Variants in CASR observed in about 807,000 individuals in gnomAD.
CASR encodes extracellular calcium-sensing receptor.
Under a neutral mutation model 69.1 loss-of-function variants are expected in CASR, and 23 were observed. The ratio of observed to expected loss-of-function variants is 0.33; its 90% CI spans 0.24 to 0.47. CASR has a LOEUF of 0.47. CASR is among the 20% of genes least tolerant of loss of function. CASR has a pLI of 1.00. For synonymous variants in CASR, 541 were observed against 544.7 expected (o/e 0.99, Z 0.10); for missense variants, 924 against 1,356.1 (o/e 0.68, Z 5.00).
Position 122,285,431 on chromosome 3 carries a change from C to T in CASR, c.*240C>T, listed in dbSNP as rs564579474. 5 of 499,508 alleles carry T rather than the reference C, an allele frequency of 1.0e-5. No individual in the cohort carries two copies. Among genetic ancestry groups the T allele is most frequent in the African/African-American group, 3.9e-5 (2 of 51,816 alleles). The allele number at this position is 499,508 out of a possible 1,614,324, so 30.9% of individuals were successfully genotyped here. On this transcript the variant is annotated 3_prime_UTR_variant, in exon 7 of 7. Coordinates refer to ENST00000639785, the MANE Select transcript of CASR (RefSeq NM_000388.4). ...ATTTGTCAAAGCATTGAGATCTCCA[C>T]GGTCAGATTTGCTGTTCACCCACAT...
intron 1 of CASR, among the ~76,000 whole-genome samples, chr3:122,242,069 T>C (rs2074383924): frequency 6.6e-6 from 1 of 152,094 alleles, no homozygotes; most frequent in Non-Finnish European, 1.5e-5. Flanking sequence ...CCACAGCTAG[T>C]ATCATACAGA....
At chr3:122,242,078 G>A (rs1160969099) in intron 1 of CASR, among the ~76,000 whole-genome samples, 1 of 152,032 alleles carries the variant, frequency 6.6e-6, no homozygotes, top group African/African-American at 2.4e-5. Flanking sequence ...GTATCATACA[G>A]ATTGTGAAAA....
intron 4 of CASR, among the ~76,000 whole-genome samples, chr3:122,270,588 G>T (rs539366755): frequency 1.3e-5 from 2 of 152,158 alleles, no homozygotes; most frequent in African/African-American, 2.4e-5. Flanking sequence ...TTTGGAAACT[G>T]AAGTCATTGA....
In CASR at chr3:122,282,171, A is replaced by C; in HGVS notation, c.1667A>C (p.Glu556Ala). 1 of 1,614,126 alleles carries C rather than the reference A, an allele frequency of 6.2e-7. No individual in the cohort carries two copies. Among genetic ancestry groups the C allele is most frequent in the Non-Finnish European group, 8.5e-7 (1 of 1,179,996 alleles). ...GCAGGGACCAGGAAAGGGATCATTG[A>C]GGGGGAGCCCACCTGCTGCTTTGAG... ...CLAGTRKGII[E>A]GEPTCCFECV... Residue 556 changes from glutamate (E) to alanine (A), a missense_variant, in exon 6 of 7, where the codon GAG becomes GCG. Around this residue, in one of 8 missense-constraint regions of CASR, gnomAD observed 310 missense variants for 395.7 expected, o/e 0.78. Transcript: ENST00000639785.
intron 1 of CASR, among the ~76,000 whole-genome samples, chr3:122,253,427 C>T (rs1219507769): frequency 6.6e-6 from 1 of 152,088 alleles, no homozygotes; most frequent in African/African-American, 2.4e-5. Flanking sequence ...TTTTTTAGTA[C>T]AGACAGGGTT....
At chr3:122,277,361 T>C (rs2074835445) in intron 5 of CASR, among the ~76,000 whole-genome samples, 1 of 152,144 alleles carries the variant, frequency 6.6e-6, no homozygotes, top group South Asian at 2.1e-4. Context: ...TGGACCACTT[T>C]TTATAACATA....
intron 1 of CASR, among the ~76,000 whole-genome samples, chr3:122,207,555 CTA>C (rs1187671460): frequency 2.0e-5 from 3 of 151,996 alleles, no homozygotes; most frequent in Admixed American, 6.6e-5. Flanking sequence ...AAATTAAACA[CTA>C]TGTTTCTGAA....
At chr3:122,281,673 T>A (rs1319416027) in intron 5 of CASR, among the ~76,000 whole-genome samples, 1 of 152,242 alleles carries the variant, frequency 6.6e-6, no homozygotes, top group African/African-American at 2.4e-5. Context: ...TGAATAATAC[T>A]TATAGATTTG....
Position 122,285,061 on chromosome 3 carries a change from T to C in CASR, c.3107T>C (p.Val1036Ala), listed in dbSNP as rs387907393. 6.2e-7 allele frequency: 1 copy of C among 1,614,222 alleles called. No homozygotes were observed. Among genetic ancestry groups the C allele is most frequent in the Non-Finnish European group, 8.5e-7 (1 of 1,180,036 alleles). Residue 1036 changes from valine to alanine, a missense_variant, in exon 7 of 7, where the codon GTG becomes GCG. Around this residue, in one of 8 missense-constraint regions of CASR, gnomAD observed 201 missense variants for 228.8 expected, o/e 0.88. Coordinates refer to ENST00000639785, the MANE Select transcript of CASR (RefSeq NM_000388.4). ...TVQETGLQGP[V>A]GGDQRPEVED... ...CAGGAAACAGGTCTGCAAGGACCTGTGGGTGGAGACCAGCGGCCAGAGGTG... is the reference window on the plus strand; with the variant it reads ...CAGGAAACAGGTCTGCAAGGACCTGCGGGTGGAGACCAGCGGCCAGAGGTG...
At chr3:122,278,645 T>C (rs1403788996) in intron 5 of CASR, among the ~76,000 whole-genome samples, 2 of 152,212 alleles carry the variant, frequency 1.3e-5, no homozygotes, top group African/African-American at 2.4e-5. Flanking sequence ...CCTGTGGTGA[T>C]AGGATTTCTC....
At chr3:122,244,036 C>T (rs1193921328) in intron 1 of CASR, among the ~76,000 whole-genome samples, 2 of 151,670 alleles carry the variant, frequency 1.3e-5, no homozygotes, top group African/African-American at 2.4e-5. Flanking sequence ...AGAGGGTAGT[C>T]GGGGAGTGGG....
chr3:122,218,551 A>G (rs977136102), intron 1 of CASR, among the ~76,000 whole-genome samples: 2 of 151,668 alleles, frequency 1.3e-5, no homozygotes, highest in African/African-American at 4.9e-5. Context: ...CAAAAAAAAA[A>G]AAAAAAAAAG....
intron 1 of CASR, among the ~76,000 whole-genome samples, chr3:122,198,935 G>A (rs912706914): frequency 6.6e-6 from 1 of 151,908 alleles, no homozygotes; most frequent in Non-Finnish European, 1.5e-5. Flanking sequence ...AAACTTCTTT[G>A]TATTCCTAAT....
intron 1 of CASR, among the ~76,000 whole-genome samples, chr3:122,252,448 A>AG (rs1288515427): frequency 0.031 from 2,950 of 95,570 alleles, 274 homozygotes; most frequent in East Asian, 0.076. Flanking sequence ...AAAGAAAGAA[A>AG]AAAAAGAAAA....
At chr3:122,199,999 C>T (rs904679489) in intron 1 of CASR, among the ~76,000 whole-genome samples, 2 of 152,196 alleles carry the variant, frequency 1.3e-5, no homozygotes, top group South Asian at 2.1e-4. Flanking sequence ...CCTCCGCCTC[C>T]CCAGTTCAAG....
Position 122,254,112 on chromosome 3 carries a change from C to T in CASR, c.-78C>T. 6 of 1,340,632 alleles carry T rather than the reference C, an allele frequency of 4.5e-6. No individual in the cohort carries two copies. Among genetic ancestry groups the T allele is most frequent in the Non-Finnish European group, 6.4e-6 (6 of 933,912 alleles). The allele number at this position is 1,340,632 out of a possible 1,614,324, so 83.0% of individuals were successfully genotyped here. A position where few individuals can be genotyped will look rare whatever the true frequency, so the allele number is the denominator to read the frequency against. On this transcript the variant is annotated 5_prime_UTR_variant, in exon 2 of 7. Transcript: ENST00000639785. The stretch of plus-strand genomic sequence containing the variant: ...ATGTGTCCCCACTGCAGGGAGTGAA[C>T]TGCTCCAAGGGAGAAACTTCTGGGA...
At chr3:122,275,704 C>T (rs2074809017) in intron 4 of CASR, 108 bp from the exon 5 acceptor site, 1 of 793,854 alleles carries the variant, frequency 1.3e-6, no homozygotes, top group Admixed American at 1.9e-5. Context: ...ACGTTCCTCC[C>T]ACTTTGTTGG....
intron 1 of CASR, among the ~76,000 whole-genome samples, chr3:122,203,376 T>C (rs2073976494): frequency 6.6e-6 from 1 of 152,210 alleles, no homozygotes; most frequent in Non-Finnish European, 1.5e-5. Flanking sequence ...AGAGTACACC[T>C]ACCCAAACCT....
At chr3:122,202,954 A>G (rs890618035) in intron 1 of CASR, among the ~76,000 whole-genome samples, 1 of 152,152 alleles carries the variant, frequency 6.6e-6, no homozygotes, top group Non-Finnish European at 1.5e-5. Flanking sequence ...GTCAATTATC[A>G]AGGTCCCGGG....
Sources: gnomAD v4.1 joint callset for allele counts (sites outside exome capture counted in the v4.1 genomes callset) on GRCh38, gnomAD v4.1.1 for gene constraint, gnomAD v4.1.1 regional missense constraint, MANE v1.5 for transcripts, NCBI Gene and HGNC (gene_info 2026-07-23, HGNC 2026-07-21) for gene names.